ZNF99: variants seen among roughly 807,000 people sequenced by gnomAD.
ZNF99 encodes zinc finger protein ENSP00000375192.
In ZNF99, 8 loss-of-function variants were observed where a neutral mutation model predicts 12.8. The observed-to-expected ratio is 0.62, with a 90% CI of 0.37 to 1.13. The LOEUF is 1.13. ZNF99 is among the 50% of genes most tolerant of loss of function. ZNF99 has a pLI of 0.02. For missense variants in ZNF99, 1,007 were observed against 1,006.2 expected, an observed-to-expected ratio of 1.00 and a Z score of -0.01; for synonymous variants, 318 against 319.0, an observed-to-expected ratio of 1.00 and a Z score of 0.03.
Position 22,754,367 on chromosome 19 carries a change from A to T in ZNF99, c.*2947T>A. Reference sequence around the variant, plus strand: ...GGGCGACAGAGTGAGACTCCATTTCAAAAAAAAAAAAAAAACTTTGCCACA... The same window carrying T: ...GGGCGACAGAGTGAGACTCCATTTCTAAAAAAAAAAAAAAACTTTGCCACA... On this transcript the variant is annotated 3_prime_UTR_variant, in exon 4 of 4. Transcript: ENST00000596209. 6.5e-6 allele frequency: 1 copy of T among 154,690 alleles called. No homozygotes were observed. The highest frequency in any genetic ancestry group is 1.4e-5 in the Non-Finnish European group (1 of 72,914). The allele number at this position is 154,690 out of a possible 1,614,324, so 9.6% of individuals were successfully genotyped here. A position where few individuals can be genotyped will look rare whatever the true frequency, so the allele number is the denominator to read the frequency against.
rs1392664031 is a variant in ZNF99 at position 22,752,417 on chromosome 19, A to G, written c.*4897T>C. The G allele has an allele frequency of 6.6e-6, 1 of 152,054 alleles. No homozygotes were observed. The highest frequency in any genetic ancestry group is 1.9e-4 in the East Asian group (1 of 5,196). 9.4% of individuals were successfully genotyped at this position (152,054 alleles called of 1,614,324 possible). A position where few individuals can be genotyped will look rare whatever the true frequency, so the allele number is the denominator to read the frequency against. Reference sequence around the variant, plus strand: ...AAAATATGCTATATATGGCAGAAATATATCTACACACTATGTACCCATAAA... The same window carrying G: ...AAAATATGCTATATATGGCAGAAATGTATCTACACACTATGTACCCATAAA... On this transcript the variant is annotated 3_prime_UTR_variant, in exon 4 of 4. Coordinates refer to ENST00000596209, the MANE Select transcript of ZNF99 (RefSeq NM_001080409.3).
In ZNF99 at chr19:22,776,440, T is replaced by G. The variant is rs1473900355; in HGVS notation, c.4-7116A>C. ...ATATATATATATATATATATATATA[T>G]ATATATATATATATATATATATATG... On this transcript the variant is annotated intron_variant, in intron 1 of 3. Transcript: ENST00000596209. 4.5e-3 allele frequency among the ~76,000 whole-genome samples: 178 copies of G among 39,862 alleles called. 12 individuals are homozygous for G. Among genetic ancestry groups the G allele is most frequent in the African/African-American group, 0.023 (176 of 7,540 alleles). 26.2% of individuals were successfully genotyped at this position (39,862 alleles called of 152,430 possible).
rs1433455476 is a variant in ZNF99 at position 22,755,057 on chromosome 19, G to C, written c.*2257C>G. 6.3e-6 allele frequency: 1 copy of C among 158,584 alleles called. No individual in the cohort carries two copies. Among genetic ancestry groups the C allele is most frequent in the Non-Finnish European group, 1.3e-5 (1 of 78,142 alleles). The allele number at this position is 158,584 out of a possible 1,614,324, so 9.8% of individuals were successfully genotyped here. On this transcript the variant is annotated 3_prime_UTR_variant, in exon 4 of 4. Coordinates refer to ENST00000596209, the MANE Select transcript of ZNF99 (RefSeq NM_001080409.3). ...CTGCACTCCAGAGCCTGGGCAACTA[G>C]GGCGAAACTCTGTTTCAAAAAAAAA...
Position 22,755,649 on chromosome 19 carries a change from G to A in ZNF99, c.*1665C>T. Reference sequence around the variant, plus strand: ...TCCTCTCCAAGATAAATTATTTTATGTTGAGTAAAGTTTGAGGACTGGTTA... The same window carrying A: ...TCCTCTCCAAGATAAATTATTTTATATTGAGTAAAGTTTGAGGACTGGTTA... On this transcript the variant is annotated 3_prime_UTR_variant, in exon 4 of 4. Coordinates refer to ENST00000596209, the MANE Select transcript of ZNF99 (RefSeq NM_001080409.3). 3.6e-6 allele frequency: 1 copy of A among 279,888 alleles called. No individual in the cohort carries two copies. Among genetic ancestry groups the A allele is most frequent in the East Asian group, 9.0e-5 (1 of 11,168 alleles). The allele number at this position is 279,888 out of a possible 1,614,324, so 17.3% of individuals were successfully genotyped here.
At position 22,783,730 on chromosome 19, in the gene ZNF99, T is replaced by C. The variant is rs559875513; in HGVS notation, c.3+284A>G. ...CCCCTGACGCCCCTCCCGTGGTCCCTGCACAATCTGTGAGAGAGGAGGCGC... is the reference window on the plus strand; with the variant it reads ...CCCCTGACGCCCCTCCCGTGGTCCCCGCACAATCTGTGAGAGAGGAGGCGC... On this transcript the variant is annotated intron_variant, in intron 1 of 3. Coordinates refer to ENST00000596209, the MANE Select transcript of ZNF99 (RefSeq NM_001080409.3). Among the ~76,000 whole-genome samples, 562 of 152,290 alleles carry C rather than the reference T, an allele frequency of 3.7e-3. 6 individuals are homozygous for C. Among genetic ancestry groups the C allele is most frequent in the African/African-American group, 0.013 (534 of 41,570 alleles).
chr19:22,777,503 C>G (rs1973342560), intron 1 of ZNF99, among the ~76,000 whole-genome samples: 1 of 152,122 alleles, frequency 6.6e-6, no homozygotes, highest in African/African-American at 2.4e-5. Context: ...TGTAACAAAC[C>G]TACACATGTA....
In ZNF99 at chr19:22,758,695, G is replaced by A; in HGVS notation, c.1214C>T (p.Ala405Val). 2 of 1,612,996 alleles carry A rather than the reference G, an allele frequency of 1.2e-6. No homozygotes were observed. Among genetic ancestry groups the A allele is most frequent in the Non-Finnish European group, 1.7e-6 (2 of 1,179,414 alleles). Residue 405 changes from alanine to valine, a missense_variant, in exon 4 of 4, where the codon GCT (alanine) becomes GTT (valine). Coordinates refer to ENST00000596209, the MANE Select transcript of ZNF99 (RefSeq NM_001080409.3). ...KPYKCEECGK[A>V]FKWSSKLTVH... ...AGTAAGTTTTGAGGACCACTTAAAA[G>A]CTTTACCACATTCTTCACATTTGTA...
chr19:22,760,212 G>A (rs1192874723), intron 3 of ZNF99, among the ~76,000 whole-genome samples: 1 of 152,124 alleles, frequency 6.6e-6, no homozygotes, highest in Admixed American at 6.5e-5. Context: ...GCAATCACTT[G>A]AACTTGGGAT....
In ZNF99 at chr19:22,758,527, G is replaced by C. The variant is rs770709683; in HGVS notation, c.1382C>G (p.Ala461Gly). The change falls in exon 4 of 4, where the codon GCT becomes GGT. Residue 461 changes from alanine (A) to glycine (G), a missense_variant. Physicochemically the swap from Ala to Gly is moderately conservative, Grantham distance 60. Coordinates refer to ENST00000596209, the MANE Select transcript of ZNF99 (RefSeq NM_001080409.3). Reference sequence around the variant, plus strand: ...TCTAAGGGCTGAAAAATTGCTAAAAGCTTTGCTGCATTCTTCACATTTGTA... The same window carrying C: ...TCTAAGGGCTGAAAAATTGCTAAAACCTTTGCTGCATTCTTCACATTTGTA... ...QPYKCEECSKAFSNFSALRKH... is the reference protein window; with the variant it reads ...QPYKCEECSKGFSNFSALRKH... The C allele has an allele frequency of 6.2e-7, 1 of 1,612,770 alleles. No homozygotes were observed. Among genetic ancestry groups the C allele is most frequent in the Admixed American group, 1.7e-5 (1 of 59,898 alleles).
In ZNF99 at chr19:22,756,865, C is replaced by G. The variant is rs1973067993; in HGVS notation, c.*449G>C. On this transcript the variant is annotated 3_prime_UTR_variant, in exon 4 of 4. Coordinates refer to ENST00000596209, the MANE Select transcript of ZNF99 (RefSeq NM_001080409.3). ...TGCTTAAAAGCTTTGCCACATTCTT[C>G]ACATTTGTAGGGTTTCTCTACAGTA... 8.1e-6 allele frequency: 13 copies of G among 1,611,820 alleles called. No individual in the cohort carries two copies. In the South Asian group the frequency reaches 1.3e-4, roughly 16 times the overall value.
intron 1 of ZNF99, among the ~76,000 whole-genome samples, chr19:22,771,864 T>A (rs1396187055): frequency 6.9e-6 from 1 of 144,476 alleles, no homozygotes; most frequent in Admixed American, 7.0e-5. Context: ...ATTACAGGCG[T>A]GTGCCACCAC....
intron 1 of ZNF99, among the ~76,000 whole-genome samples, chr19:22,782,336 T>A (rs1973396462): frequency 6.6e-6 from 1 of 151,736 alleles, no homozygotes; most frequent in Admixed American, 6.6e-5. Context: ...CTGAGGTGGC[T>A]CTAGTGCCTG....
At chr19:22,781,064 T>A (rs1237380765) in intron 1 of ZNF99, among the ~76,000 whole-genome samples, 2 of 152,150 alleles carry the variant, frequency 1.3e-5, no homozygotes, top group East Asian at 1.9e-4. Flanking sequence ...TAAATGAAAA[T>A]TTTTAACAAA....
In ZNF99 at chr19:22,758,974, G is replaced by T. The variant is rs181254882; in HGVS notation, c.935C>A (p.Pro312His). The change falls in exon 4 of 4, where the codon CCC becomes CAC. Residue 312 changes from proline (P) to histidine (H), a missense_variant. Transcript: ENST00000596209. Reference protein sequence around the residue: ...RHKAIHTGEKPYKCEECGKAF... With the variant: ...RHKAIHTGEKHYKCEECGKAF... ...TTTGCCACATTCTTCGCATTTGTAG[G>T]GTTTCTCTCCAGTATGAATTGCTTT... The T allele has an allele frequency of 3.1e-6, 5 of 1,613,900 alleles. No homozygotes were observed. In the Admixed American group the frequency reaches 6.7e-5, roughly 22 times the overall value.
At chr19:22,765,464 T>G (rs1388876817) in intron 3 of ZNF99, among the ~76,000 whole-genome samples, 1 of 151,730 alleles carries the variant, frequency 6.6e-6, no homozygotes, top group Admixed American at 6.6e-5. Flanking sequence ...ACACCACTTG[T>G]ACCTCAATAA....
intron 1 of ZNF99, among the ~76,000 whole-genome samples, chr19:22,772,776 A>T (rs1973287032): frequency 1.3e-5 from 2 of 151,552 alleles, no homozygotes; most frequent in Non-Finnish European, 1.5e-5. Flanking sequence ...TCAGAAAGAA[A>T]GTTTTTCTTT....
intron 3 of ZNF99, among the ~76,000 whole-genome samples, chr19:22,760,723 G>C (rs1268387977): frequency 6.6e-6 from 1 of 151,870 alleles, no homozygotes; most frequent in Non-Finnish European, 1.5e-5. Flanking sequence ...CAGCCTGGGC[G>C]ACAGAGAGAG....
intron 1 of ZNF99, among the ~76,000 whole-genome samples, chr19:22,780,799 AATAGAG>A (rs1264755959): frequency 1.3e-5 from 2 of 152,212 alleles, no homozygotes; most frequent in Non-Finnish European, 1.5e-5. Flanking sequence ...TAGGATACAG[AATAGAG>A]ATAGTCACTG....
At chr19:22,771,714 CTTTTTTT>C (rs34457637) in intron 1 of ZNF99, among the ~76,000 whole-genome samples, 1 of 91,142 alleles carries the variant, frequency 1.1e-5, no homozygotes. Context: ...ACAGGTGAAA[CTTTTTTT>C]TTTTTTTTTT....
Sources: gnomAD v4.1 joint callset for allele counts (sites outside exome capture counted in the v4.1 genomes callset) on GRCh38, gnomAD v4.1.1 for gene constraint, MANE v1.5 for transcripts, NCBI Gene and HGNC (gene_info 2026-07-23, HGNC 2026-07-21) for gene names.